DAB1: variants seen among roughly 807,000 people sequenced by gnomAD.
The protein encoded by DAB1 is disabled homolog 1.
In DAB1, 15 loss-of-function variants were observed where a neutral mutation model predicts 64.6. That is an observed-to-expected ratio of 0.23 (90% CI 0.16 to 0.36). The LOEUF is 0.36. Among genes scored for constraint, DAB1 ranks in the 10% least tolerant of loss-of-function variants. DAB1 has a pLI of 1.00. For missense variants in DAB1, 596 were observed against 706.7 expected, an observed-to-expected ratio of 0.84 and a Z score of 1.78; for synonymous variants, 235 against 251.9, an observed-to-expected ratio of 0.93 and a Z score of 0.64.
At chr1:57,853,542 G>A (rs1653624663) in intron 1 of DAB1, among the ~76,000 whole-genome samples, 1 of 152,066 alleles carries the variant, frequency 6.6e-6, no homozygotes, top group African/African-American at 2.4e-5. Flanking sequence ...TGAAGCTTTA[G>A]GCAGGACCCA....
rs527917409 is a variant in DAB1, at chr1:57,365,986, T to C, written c.-137+57944A>G. On this transcript the variant is annotated intron_variant, in intron 1 of 14. Transcript: ENST00000371236. ...CTGGTTTGTGTGAGGTTGAGGACTA[T>C]ATCTCCTGATATATACAATAGTAGA... Among the ~76,000 whole-genome samples the C allele has an allele frequency of 1.3e-4, 20 of 152,350 alleles. No individual in the cohort carries two copies. The Middle Eastern group carries it at 0.01, about 78-fold the overall frequency.
At chr1:57,937,175 T>C (rs112795871) in intron 5 of DAB1, among the ~76,000 whole-genome samples, 1 of 151,990 alleles carries the variant, frequency 6.6e-6, no homozygotes, top group Non-Finnish European at 1.5e-5. Flanking sequence ...GAGGCACAAA[T>C]AAATATTACT....
chr1:58,499,788 A>C (rs1254907562), intron 3 of DAB1, among the ~76,000 whole-genome samples: 1 of 152,032 alleles, frequency 6.6e-6, no homozygotes, highest in Non-Finnish European at 1.5e-5. Flanking sequence ...AAATTAGTTA[A>C]AGTAAATAAA....
chr1:58,479,078 C>T (rs78946476), intron 3 of DAB1, among the ~76,000 whole-genome samples: 3 of 152,164 alleles, frequency 2.0e-5, no homozygotes, highest in African/African-American at 7.2e-5. Flanking sequence ...CTCTTTCTGA[C>T]ATGGTGTCAA....
chr1:57,121,130 GAGA>G (rs758921715), intron 4 of DAB1, among the ~76,000 whole-genome samples: 3 of 131,074 alleles, frequency 2.3e-5, no homozygotes, highest in Non-Finnish European at 4.8e-5. Context: ...AGAAGAAGAA[GAGA>G]AGAAGAAGGA....
intron 7 of DAB1, among the ~76,000 whole-genome samples, chr1:57,453,711 G>A (rs188384200): frequency 6.6e-6 from 1 of 152,260 alleles, no homozygotes; most frequent in Non-Finnish European, 1.5e-5. Context: ...TGTTAGAGAA[G>A]TCTAATCACA....
At chr1:57,057,655 T>C (rs1378336070) in intron 9 of DAB1, among the ~76,000 whole-genome samples, 5 of 150,672 alleles carry the variant, frequency 3.3e-5, no homozygotes, top group Admixed American at 1.3e-4. Context: ...TTGCCCAGGC[T>C]GGAGTGCAGT....
intron 7 of DAB1, among the ~76,000 whole-genome samples, chr1:57,588,147 C>T (rs534972058): frequency 1.3e-5 from 2 of 152,218 alleles, no homozygotes; most frequent in Non-Finnish European, 1.5e-5. Context: ...ACACAAGAAA[C>T]ATTCAGGTCA....
At chr1:57,533,201 C>A (rs1192501439) in intron 7 of DAB1, among the ~76,000 whole-genome samples, 1 of 151,932 alleles carries the variant, frequency 6.6e-6, no homozygotes, top group Non-Finnish European at 1.5e-5. Context: ...TGTGAAACTG[C>A]CATCCTCTGT....
At position 57,111,700 on chromosome 1, in the gene DAB1, T is replaced by G. The variant is rs149845352; in HGVS notation, c.306+24843A>C. Reference sequence around the variant, plus strand: ...AAAAACTACACAGTACTTATCACTATCTGAAATTATTTTATTTACATGGTT... The same window carrying G: ...AAAAACTACACAGTACTTATCACTAGCTGAAATTATTTTATTTACATGGTT... On this transcript the variant is annotated intron_variant, in intron 4 of 14. Transcript: ENST00000371236. Among the ~76,000 whole-genome samples, 849 of 152,294 alleles carry G rather than the reference T, an allele frequency of 5.6e-3. 7 individuals carry two copies. The highest frequency in any genetic ancestry group is 0.02 in the African/African-American group (817 of 41,558).
intron 1 of DAB1, among the ~76,000 whole-genome samples, chr1:57,879,077 T>C (rs1333679595): frequency 6.6e-6 from 1 of 152,206 alleles, no homozygotes; most frequent in Non-Finnish European, 1.5e-5. Flanking sequence ...CATCTGTTGA[T>C]GAACACTTAG....
chr1:57,393,509 T>C (rs1241314897), intron 1 of DAB1, among the ~76,000 whole-genome samples: 1 of 151,620 alleles, frequency 6.6e-6, no homozygotes, highest in East Asian at 1.9e-4. Flanking sequence ...CTGGGCAACA[T>C]GGTGAGGCTC....
chr1:57,288,662 A>C (rs993404132), intron 2 of DAB1, among the ~76,000 whole-genome samples: 1 of 152,120 alleles, frequency 6.6e-6, no homozygotes, highest in Non-Finnish European at 1.5e-5. Flanking sequence ...TAAGCTGTCA[A>C]GTCTATGGTA....
chr1:57,753,728 G>A (rs1648659790), intron 6 of DAB1, among the ~76,000 whole-genome samples: 1 of 152,174 alleles, frequency 6.6e-6, no homozygotes, highest in South Asian at 2.1e-4. Context: ...CTGTGAAGAA[G>A]ATATAATTAC....
intron 5 of DAB1, among the ~76,000 whole-genome samples, chr1:57,900,907 C>T (rs1644462714): frequency 6.6e-6 from 1 of 152,122 alleles, no homozygotes; most frequent in African/African-American, 2.4e-5. Flanking sequence ...CCATATTCCT[C>T]AAACCTAGCA....
At chr1:57,635,815 G>T (rs576072582) in intron 7 of DAB1, among the ~76,000 whole-genome samples, 2 of 152,252 alleles carry the variant, frequency 1.3e-5, no homozygotes, top group South Asian at 4.1e-4. Flanking sequence ...GGTGTCCTTG[G>T]CCAGGTGCGG....
chr1:58,031,511 C>T (rs1393437611), intron 5 of DAB1, among the ~76,000 whole-genome samples: 1 of 152,176 alleles, frequency 6.6e-6, no homozygotes, highest in Non-Finnish European at 1.5e-5. Flanking sequence ...CAGCTGGAAA[C>T]TCAGCTCTTA....
intron 3 of DAB1, among the ~76,000 whole-genome samples, chr1:58,375,772 T>G (rs1484020915): frequency 6.9e-6 from 1 of 145,274 alleles, no homozygotes; most frequent in African/African-American, 2.5e-5. Flanking sequence ...AGTTCCTCCT[T>G]GTACCTCTGG....
chr1:57,069,530 C>T (rs754953334), intron 7 of DAB1, 105 bp from the exon 8 acceptor site: 18 of 896,542 alleles, frequency 2.0e-5, no homozygotes, highest in Non-Finnish European at 2.5e-5. Context: ...ATTAACGAAG[C>T]AGGCACAAGA....
Sources: allele counts gnomAD v4.1 joint callset (sites outside exome capture counted in the v4.1 genomes callset), GRCh38; gene constraint gnomAD v4.1.1; transcripts MANE v1.5; gene names NCBI Gene and HGNC (gene_info 2026-07-23, HGNC 2026-07-21).